Variants in SIL1 observed in about 807,000 individuals in gnomAD.
The protein encoded by SIL1 is SIL1 nucleotide exchange factor.
A neutral mutation model predicts 49.1 loss-of-function variants in SIL1; 40 were observed. That is an observed-to-expected ratio of 0.81 (90% confidence interval 0.63 to 1.06). The LOEUF (loss-of-function observed/expected upper bound fraction) is 1.06. Ranked by LOEUF, SIL1 falls within the 50% of genes least tolerant of loss-of-function variation. The pLI is 0.00. For missense variants in SIL1, 500 were observed against 572.6 expected, an observed-to-expected ratio of 0.87 and a Z score of 1.29; for synonymous variants, 253 against 250.8, an observed-to-expected ratio of 1.01 and a Z score of -0.08.
At chr5:139,118,093 C>T (rs1263075054) in intron 3 of SIL1, among the ~76,000 whole-genome samples, 1 of 152,172 alleles carries the variant, frequency 6.6e-6, no homozygotes, top group African/African-American at 2.4e-5. Flanking sequence ...TAAAGTCCAC[C>T]GTCTTCCTGT....
intron 1 of SIL1, among the ~76,000 whole-genome samples, chr5:139,169,572 C>T (rs1275961150): frequency 1.3e-5 from 2 of 151,462 alleles, no homozygotes; most frequent in Non-Finnish European, 2.9e-5. Flanking sequence ...ACCTCCGCCT[C>T]CTGGGTTTAA....
chr5:139,160,170 C>T (rs1373319191), intron 1 of SIL1, among the ~76,000 whole-genome samples: 1 of 151,562 alleles, frequency 6.6e-6, no homozygotes, highest in African/African-American at 2.4e-5. Flanking sequence ...CACACACACA[C>T]ACACACACAC....
intron 7 of SIL1, among the ~76,000 whole-genome samples, chr5:138,959,385 A>T (rs1766970344): frequency 6.6e-6 from 1 of 152,252 alleles, no homozygotes. Context: ...TGAAGACTAC[A>T]TCATCAAACA....
intron 1 of SIL1, among the ~76,000 whole-genome samples, chr5:139,134,060 A>T (rs191236327): frequency 3.3e-5 from 5 of 152,296 alleles, no homozygotes; most frequent in African/African-American, 1.2e-4. Context: ...TAAAGCAATG[A>T]ATAGGAAGTA....
At position 138,951,845 on chromosome 5, in the gene SIL1, G is replaced by A. The variant is rs200359743; in HGVS notation, c.807C>T (p.Ala269=). The change falls in exon 8 of 10, where the codon GCC becomes GCT. Residue 269 remains alanine (A), a synonymous_variant. Coordinates refer to ENST00000394817, the MANE Select transcript of SIL1 (RefSeq NM_022464.5). ...CCAGGATGACCAGCAGCTTCTGCAG[G>A]GCTCCCCCTTCGATGGCCTCCACCT... ...KVQVEAIEGG[A]LQKLLVILAT... is the part of the protein sequence containing the mutation. 145 of 1,614,050 alleles carry A rather than the reference G, an allele frequency of 9.0e-5. 1 individual carries two copies. Among genetic ancestry groups the A allele is most frequent in the Non-Finnish European group, 1.2e-4 (141 of 1,180,032 alleles).
At chr5:139,031,881 A>G (rs181278081) in intron 5 of SIL1, among the ~76,000 whole-genome samples, 94 of 152,352 alleles carry the variant, frequency 6.2e-4, no homozygotes, top group African/African-American at 2.2e-3. Context: ...GAGCAACTGT[A>G]AATGGTACAT....
chr5:139,177,746 A>G (rs1344331251), intron 1 of SIL1, among the ~76,000 whole-genome samples: 2 of 152,216 alleles, frequency 1.3e-5, no homozygotes, highest in Non-Finnish European at 2.9e-5. Flanking sequence ...TTTTCTTTAT[A>G]CCACAGGCAA....
At chr5:139,178,143 G>A (rs1002768802) in intron 1 of SIL1, among the ~76,000 whole-genome samples, 26 of 152,224 alleles carry the variant, frequency 1.7e-4, no homozygotes, top group Non-Finnish European at 1.0e-4. Context: ...CACCATGTCT[G>A]CTGAGTGGCC....
chr5:138,995,371 A>G (rs1046373683), intron 7 of SIL1, among the ~76,000 whole-genome samples: 1 of 151,402 alleles, frequency 6.6e-6, no homozygotes, highest in African/African-American at 2.4e-5. Context: ...CAGCCTCCCA[A>G]GTAGCTGGGA....
chr5:138,971,307 G>A (rs1029512492), intron 7 of SIL1, among the ~76,000 whole-genome samples: 3 of 152,018 alleles, frequency 2.0e-5, no homozygotes, highest in African/African-American at 7.3e-5. Flanking sequence ...AGTCTGGTTG[G>A]AGATTTGTTT....
chr5:139,162,802 A>G (rs773188988), intron 1 of SIL1, among the ~76,000 whole-genome samples: 2 of 152,194 alleles, frequency 1.3e-5, no homozygotes, highest in Non-Finnish European at 2.9e-5. Flanking sequence ...CCCTACTCTC[A>G]TGAAACTTAC....
chr5:138,979,364 A>G (rs186257904), intron 7 of SIL1, among the ~76,000 whole-genome samples: 1 of 152,302 alleles, frequency 6.6e-6, no homozygotes, highest in Non-Finnish European at 1.5e-5. Flanking sequence ...CACCCAGCCA[A>G]GAGTATTTAA....
intron 4 of SIL1, among the ~76,000 whole-genome samples, chr5:139,045,033 G>A (rs1168030059): frequency 6.6e-6 from 1 of 152,108 alleles, no homozygotes; most frequent in African/African-American, 2.4e-5. Flanking sequence ...CAACCACTAA[G>A]CAGCATTTGC....
intron 7 of SIL1, among the ~76,000 whole-genome samples, chr5:139,001,344 T>C (rs1394177181): frequency 6.6e-6 from 1 of 152,208 alleles, no homozygotes; most frequent in Admixed American, 6.5e-5. Context: ...CTAGCAATTC[T>C]ACTTTAAGGC....
At chr5:139,003,425 G>A (rs1237129110) in intron 7 of SIL1, among the ~76,000 whole-genome samples, 2 of 152,096 alleles carry the variant, frequency 1.3e-5, no homozygotes, top group Admixed American at 1.3e-4. Context: ...AGGCAGTGAG[G>A]GAGACGTCTT....
At chr5:139,036,911 TTTTTATTCA>T (rs1768927187) in intron 5 of SIL1, among the ~76,000 whole-genome samples, 1 of 152,166 alleles carries the variant, frequency 6.6e-6, no homozygotes, top group Non-Finnish European at 1.5e-5. Context: ...TTTTCCCTAT[TTTTTATTCA>T]TTACATTGTT....
At chr5:138,985,022 G>C (rs538274442) in intron 7 of SIL1, among the ~76,000 whole-genome samples, 22 of 152,328 alleles carry the variant, frequency 1.4e-4, no homozygotes, top group African/African-American at 5.3e-4. Flanking sequence ...CGAGGTAATG[G>C]CAGGACATGG....
At chr5:138,963,386 T>C (rs1195120255) in intron 7 of SIL1, among the ~76,000 whole-genome samples, 3 of 152,158 alleles carry the variant, frequency 2.0e-5, no homozygotes, top group Admixed American at 1.3e-4. Flanking sequence ...TGAAAAATCA[T>C]CTCCTCAATC....
intron 1 of SIL1, among the ~76,000 whole-genome samples, chr5:139,138,919 G>A (rs1751028404): frequency 6.6e-6 from 1 of 152,264 alleles, no homozygotes; most frequent in East Asian, 1.9e-4. Context: ...CTATACTCTG[G>A]GTGGTTACAG....
Sources: gnomAD v4.1 joint callset for allele counts (sites outside exome capture counted in the v4.1 genomes callset) on GRCh38, gnomAD v4.1.1 for gene constraint, MANE v1.5 for transcripts, NCBI Gene and HGNC (gene_info 2026-07-23, HGNC 2026-07-21) for gene names.